The following CCDC170 variants were observed in gnomAD, a reference collection of about 807,000 sequenced individuals.
The protein encoded by CCDC170 is coiled-coil domain-containing protein 170.
In CCDC170, 69 loss-of-function variants were observed where a neutral mutation model predicts 72.6. The ratio of observed to expected loss-of-function variants is 0.95; its 90% CI spans 0.78 to 1.16. CCDC170 has a LOEUF of 1.16. Ranked by LOEUF, CCDC170 falls within the 50% of genes most tolerant of loss-of-function variation. CCDC170 has a pLI of 0.00. For synonymous variants in CCDC170, 300 were observed against 303.9 expected (o/e 0.99, Z 0.13); for missense variants, 852 against 832.5 (o/e 1.02, Z -0.29).
chr6:151,554,432 G>A (rs1197240709), intron 5 of CCDC170, among the ~76,000 whole-genome samples: 1 of 152,156 alleles, frequency 6.6e-6, no homozygotes, highest in Admixed American at 6.6e-5. Flanking sequence ...ATGTAAGAGA[G>A]ACACTGCACA....
chr6:151,505,544 C>T (rs551763006), intron 1 of CCDC170, among the ~76,000 whole-genome samples: 7 of 152,154 alleles, frequency 4.6e-5, no homozygotes, highest in African/African-American at 1.4e-4. Context: ...ATTAGCCGGG[C>T]GTGGTGGCTG....
intron 10 of CCDC170, 69 bp downstream of exon 10, chr6:151,615,748 T>C (rs1776956327): frequency 9.2e-7 from 1 of 1,082,936 alleles, no homozygotes; most frequent in African/African-American, 1.6e-5. Context: ...TTGATATTAA[T>C]ACTTATTCAT....
At chr6:151,601,427 T>A (rs1206117247) in intron 9 of CCDC170, among the ~76,000 whole-genome samples, 2 of 152,182 alleles carry the variant, frequency 1.3e-5, no homozygotes, top group Non-Finnish European at 2.9e-5. Context: ...TCATCCCATG[T>A]TGTACCATGG....
At chr6:151,545,819 A>C (rs1782762529) in intron 4 of CCDC170, among the ~76,000 whole-genome samples, 1 of 152,012 alleles carries the variant, frequency 6.6e-6, no homozygotes. Context: ...ATTTATGTAG[A>C]GATGAGGTCT....
chr6:151,538,307 G>T lies in CCDC170; in HGVS notation c.443+6G>T, dbSNP rs778331694. The T allele has an allele frequency of 6.2e-7, 1 of 1,609,688 alleles. No homozygotes were observed. Among genetic ancestry groups the T allele is most frequent in the East Asian group, 2.2e-5 (1 of 44,796 alleles). ...GAGTTAAATGAAAAATTACAGTAAGGATACTGCAATATATTTTTCGCTTTA... is the reference window on the plus strand; with the variant it reads ...GAGTTAAATGAAAAATTACAGTAAGTATACTGCAATATATTTTTCGCTTTA... On this transcript the variant is annotated splice_donor_region_variant and intron_variant, in intron 3 of 10. Transcript: ENST00000239374.
chr6:151,599,311 TCAAA>T (rs927758719), intron 9 of CCDC170, among the ~76,000 whole-genome samples: 4 of 152,126 alleles, frequency 2.6e-5, no homozygotes, highest in African/African-American at 9.7e-5. Context: ...GACTGAAAAA[TCAAA>T]CAGTCTTCTG....
chr6:151,496,494 ATACTT>A (rs1433598941), intron 1 of CCDC170, among the ~76,000 whole-genome samples: 1 of 152,232 alleles, frequency 6.6e-6, no homozygotes, highest in Non-Finnish European at 1.5e-5. Context: ...AGTTTGCAAA[ATACTT>A]TATCTGAGAT....
At chr6:151,541,785 A>G (rs187374409) in intron 3 of CCDC170, among the ~76,000 whole-genome samples, 1,815 of 148,262 alleles carry the variant, frequency 0.012, 39 homozygotes, top group African/African-American at 0.042. Flanking sequence ...TAGGTAGTGT[A>G]CTATTTTTAC....
At chr6:151,595,848 C>A (rs1464436683) in intron 8 of CCDC170, among the ~76,000 whole-genome samples, 1 of 152,016 alleles carries the variant, frequency 6.6e-6, no homozygotes, top group Non-Finnish European at 1.5e-5. Context: ...TATCCACTCT[C>A]ATGTTGGGGG....
rs370498035 is a variant in CCDC170, at chr6:151,586,054, G to GT, written c.1262dup (p.Leu421PhefsTer8). On this transcript the variant is annotated frameshift_variant, in exon 7 of 11. Coordinates refer to ENST00000239374, the MANE Select transcript of CCDC170 (RefSeq NM_025059.4). LOFTEE classifies it high-confidence loss of function. ...GGAGGCAGAGCTGGTTTCTGGAGGT[G>GT]TTTTGCGAGACAACTTGAATTTTGA... 20 of 1,614,162 alleles carry GT rather than the reference G, an allele frequency of 1.2e-5. No individual in the cohort carries two copies. The highest frequency in any genetic ancestry group is 1.6e-4 in the Middle Eastern group (1 of 6,062).
rs549967360 is a variant in CCDC170 at position 151,591,500 on chromosome 6, A to ATTT, written c.1294-1597_1294-1595dup. ...TCATTTAACTTGGATGCATTAAACA[A>ATTT]TTTTTTTTTTTTGAGGCGGAGTCTT... On this transcript the variant is annotated intron_variant, in intron 7 of 10. Coordinates refer to ENST00000239374, the MANE Select transcript of CCDC170 (RefSeq NM_025059.4). 6.2e-4 allele frequency among the ~76,000 whole-genome samples: 92 copies of ATTT among 147,434 alleles called. 1 individual carries two copies. Among genetic ancestry groups the ATTT allele is most frequent in the African/African-American group, 2.2e-3 (89 of 40,284 alleles).
intron 1 of CCDC170, among the ~76,000 whole-genome samples, chr6:151,496,150 A>G (rs755426604): frequency 7.9e-5 from 12 of 152,006 alleles, no homozygotes; most frequent in Admixed American, 2.0e-4. Flanking sequence ...AGTTTCTCTG[A>G]TTGTCCTTCG....
At position 151,512,152 on chromosome 6, in the gene CCDC170, G is replaced by GTTT. The variant is rs1247040921; in HGVS notation, c.57+17974_57+17976dup. Among the ~76,000 whole-genome samples, 879 of 138,284 alleles carry GTTT rather than the reference G, an allele frequency of 6.4e-3. 15 individuals are homozygous for GTTT. The highest frequency in any genetic ancestry group is 0.024 in the African/African-American group (834 of 34,896). 90.7% of individuals were successfully genotyped at this position (138,284 alleles called of 152,430 possible). ...AAGCCACTGCACCCAGCAGTATACC[G>GTTT]TTTTTTTTTGTTTTTTTTTTTTTTT... On this transcript the variant is annotated intron_variant, in intron 1 of 10. Coordinates refer to ENST00000239374, the MANE Select transcript of CCDC170 (RefSeq NM_025059.4).
At chr6:151,568,233 C>T (rs1407721021) in intron 5 of CCDC170, among the ~76,000 whole-genome samples, 2 of 150,330 alleles carry the variant, frequency 1.3e-5, no homozygotes, top group East Asian at 3.9e-4. Context: ...GGACTGTGAA[C>T]AGCAGGTGCA....
At chr6:151,519,952 C>A (rs1313593253) in intron 1 of CCDC170, among the ~76,000 whole-genome samples, 1 of 152,128 alleles carries the variant, frequency 6.6e-6, no homozygotes, top group Non-Finnish European at 1.5e-5. Context: ...TTCTTTATTG[C>A]ATCCTGTTTT....
intron 5 of CCDC170, among the ~76,000 whole-genome samples, chr6:151,567,255 C>T (rs1339965623): frequency 6.6e-6 from 1 of 152,110 alleles, no homozygotes; most frequent in Admixed American, 6.6e-5. Flanking sequence ...TTTTCAGATA[C>T]TTACAGTAGA....
intron 5 of CCDC170, among the ~76,000 whole-genome samples, chr6:151,558,051 A>G (rs1329396028): frequency 2.0e-5 from 3 of 152,084 alleles, no homozygotes; most frequent in African/African-American, 7.2e-5. Context: ...CTGAGCCGAG[A>G]TTGCGCCACT....
chr6:151,602,582 C>T (rs2115128304), intron 9 of CCDC170, among the ~76,000 whole-genome samples: 1 of 152,196 alleles, frequency 6.6e-6, no homozygotes, highest in East Asian at 1.9e-4. Context: ...TTTCCCCTTG[C>T]TGTTCTCATG....
intron 1 of CCDC170, among the ~76,000 whole-genome samples, chr6:151,494,387 A>G (rs1381553435): frequency 6.6e-6 from 1 of 152,146 alleles, no homozygotes; most frequent in African/African-American, 2.4e-5. Flanking sequence ...GAGTTTGCGG[A>G]GCGCGTCTGA....
Sources: allele counts gnomAD v4.1 joint callset (sites outside exome capture counted in the v4.1 genomes callset), GRCh38; gene constraint gnomAD v4.1.1; transcripts MANE v1.5; gene names NCBI Gene and HGNC (gene_info 2026-07-23, HGNC 2026-07-21).